Variants in INPP4B observed in about 807,000 individuals in gnomAD.
The protein encoded by INPP4B is inositol polyphosphate 4-phosphatase type II.
Under a neutral mutation model 122.5 loss-of-function variants are expected in INPP4B, and 55 were observed. The observed-to-expected ratio is 0.45, with a 90% CI of 0.36 to 0.56. The LOEUF is 0.56. Among genes scored for constraint, INPP4B ranks in the 20% least tolerant of loss-of-function variants. The pLI, the probability that INPP4B is intolerant of heterozygous loss-of-function variation, is 0.00. For synonymous variants in INPP4B, 403 were observed against 388.7 expected (o/e 1.04, Z -0.43); for missense variants, 1,000 against 1,097.7 (o/e 0.91, Z 1.26).
chr4:142,307,178 G>T (rs1444329205), intron 8 of INPP4B, among the ~76,000 whole-genome samples: 1 of 152,068 alleles, frequency 6.6e-6, no homozygotes, highest in Non-Finnish European at 1.5e-5. Context: ...AGAAATTAGG[G>T]TGACTTTTCA....
chr4:142,615,303 G>A (rs1223875382), intron 2 of INPP4B, among the ~76,000 whole-genome samples: 1 of 152,064 alleles, frequency 6.6e-6, no homozygotes, highest in Non-Finnish European at 1.5e-5. Flanking sequence ...AGGAGTTACA[G>A]GCAAAGTAAT....
intron 8 of INPP4B, among the ~76,000 whole-genome samples, chr4:142,313,583 G>A (rs1056855970): frequency 3.3e-5 from 5 of 152,178 alleles, no homozygotes; most frequent in African/African-American, 9.7e-5. Context: ...CCATCTGCCT[G>A]TGTCTGTGGA....
At chr4:142,253,065 C>A (rs1733249761) in intron 11 of INPP4B, among the ~76,000 whole-genome samples, 1 of 152,060 alleles carries the variant, frequency 6.6e-6, no homozygotes, top group Non-Finnish European at 1.5e-5. Context: ...GTAACCACAC[C>A]ACAATGGTAA....
chr4:142,415,194 A>C (rs1673216500), intron 5 of INPP4B, among the ~76,000 whole-genome samples: 1 of 152,122 alleles, frequency 6.6e-6, no homozygotes, highest in African/African-American at 2.4e-5. Flanking sequence ...AGCAGTGCAC[A>C]TAGGTTATTG....
At chr4:142,743,237 C>T (rs1319083280) in intron 1 of INPP4B, among the ~76,000 whole-genome samples, 2 of 151,954 alleles carry the variant, frequency 1.3e-5, no homozygotes, top group Non-Finnish European at 2.9e-5. Flanking sequence ...TCCCAGTTAT[C>T]TCCTTAGTGA....
At chr4:142,240,073 T>A (rs1331192367) in intron 11 of INPP4B, among the ~76,000 whole-genome samples, 1 of 146,970 alleles carries the variant, frequency 6.8e-6, no homozygotes, top group Non-Finnish European at 1.5e-5. Flanking sequence ...ATTGTTTTCT[T>A]TTTTTTTTTT....
At chr4:142,176,849 A>G (rs1828550273) in intron 15 of INPP4B, among the ~76,000 whole-genome samples, 1 of 152,144 alleles carries the variant, frequency 6.6e-6, no homozygotes, top group Admixed American at 6.5e-5. Context: ...TGATCATGCT[A>G]CACAAGGACT....
chr4:142,691,510 A>G (rs1205581216), intron 2 of INPP4B, among the ~76,000 whole-genome samples: 1 of 152,070 alleles, frequency 6.6e-6, no homozygotes, highest in Non-Finnish European at 1.5e-5. Context: ...AAAACCACTG[A>G]AAAAAATGTA....
chr4:142,835,699 G>T (rs551583730), intron 1 of INPP4B, among the ~76,000 whole-genome samples: 1 of 152,172 alleles, frequency 6.6e-6, no homozygotes, highest in Non-Finnish European at 1.5e-5. Flanking sequence ...CAAAGTAATA[G>T]ATAATTTTGG....
chr4:142,773,794 G>T (rs1257017918), intron 1 of INPP4B, among the ~76,000 whole-genome samples: 2 of 152,162 alleles, frequency 1.3e-5, no homozygotes, highest in African/African-American at 4.8e-5. Context: ...TCAGAAGGGT[G>T]GTGACTAAAA....
intron 2 of INPP4B, among the ~76,000 whole-genome samples, chr4:142,676,908 A>G (rs1293833433): frequency 6.6e-6 from 1 of 152,176 alleles, no homozygotes; most frequent in Non-Finnish European, 1.5e-5. Flanking sequence ...AACTTAGGCC[A>G]TACCATTTAG....
chr4:142,784,066 A>G (rs1219005844), intron 1 of INPP4B, among the ~76,000 whole-genome samples: 5 of 152,148 alleles, frequency 3.3e-5, no homozygotes, highest in Non-Finnish European at 7.4e-5. Flanking sequence ...TGAACAAACT[A>G]AAAATCAAGA....
chr4:142,466,455 T>C (rs1171532801), intron 2 of INPP4B, among the ~76,000 whole-genome samples: 1 of 152,224 alleles, frequency 6.6e-6, no homozygotes, highest in Non-Finnish European at 1.5e-5. Flanking sequence ...CAATATGTGA[T>C]CTGGTTGTTT....
At chr4:142,285,157 T>C (rs987094860) in intron 9 of INPP4B, among the ~76,000 whole-genome samples, 1 of 151,546 alleles carries the variant, frequency 6.6e-6, no homozygotes. Context: ...ATTGAGACTC[T>C]GGAGCATTGG....
intron 18 of INPP4B, among the ~76,000 whole-genome samples, chr4:142,129,780 T>C (rs1361643534): frequency 1.3e-5 from 2 of 152,176 alleles, no homozygotes; most frequent in African/African-American, 4.8e-5. Context: ...AATTGAGAAA[T>C]CTATTTTTAT....
At chr4:142,598,120 C>G (rs1366197189) in intron 2 of INPP4B, among the ~76,000 whole-genome samples, 1 of 152,112 alleles carries the variant, frequency 6.6e-6, no homozygotes, top group Non-Finnish European at 1.5e-5. Context: ...ATGGGGACCA[C>G]TAGAGGCACA....
chr4:142,674,693 A>T (rs1757475535), intron 2 of INPP4B, among the ~76,000 whole-genome samples: 1 of 152,198 alleles, frequency 6.6e-6, no homozygotes, highest in African/African-American at 2.4e-5. Flanking sequence ...AGTGCAATGA[A>T]ATTAGACCTC....
intron 11 of INPP4B, among the ~76,000 whole-genome samples, chr4:142,243,534 G>A (rs958850213): frequency 7.9e-5 from 12 of 152,256 alleles, no homozygotes; most frequent in Middle Eastern, 3.4e-3. Context: ...AGCCAAGATG[G>A]CCCTAAATTT....
intron 2 of INPP4B, among the ~76,000 whole-genome samples, chr4:142,664,964 C>A (rs1268855145): frequency 6.6e-6 from 1 of 152,162 alleles, no homozygotes; most frequent in Non-Finnish European, 1.5e-5. Flanking sequence ...CAGCCAATTG[C>A]TCCTAGGCTA....
Sources: gnomAD v4.1 joint callset for allele counts (sites outside exome capture counted in the v4.1 genomes callset) on GRCh38, gnomAD v4.1.1 for gene constraint, MANE v1.5 for transcripts, NCBI Gene and HGNC (gene_info 2026-07-23, HGNC 2026-07-21) for gene names.